CNIH4: variants seen among roughly 807,000 people sequenced by gnomAD.
CNIH4 encodes the protein protein cornichon homolog 4.
A neutral mutation model predicts 21.5 loss-of-function variants in CNIH4; 9 were observed. That is an observed-to-expected ratio of 0.42 (90% CI 0.25 to 0.73). The LOEUF is 0.73. Among genes scored for constraint, CNIH4 ranks in the 30% least tolerant of loss-of-function variants. CNIH4 has a pLI of 0.27. For missense variants in CNIH4, 159 were observed against 170.0 expected (o/e 0.94, Z 0.36); for synonymous variants, 67 against 59.1 (o/e 1.13, Z -0.61).
chr1:224,357,103 G>C lies in CNIH4; in HGVS notation c.69+110G>C. ...ACTAGGGAGGCGCCCGGCGGCGGGCGTGGGCTCCCTGGGAGCTGGCCTGGC... is the reference window on the plus strand; with the variant it reads ...ACTAGGGAGGCGCCCGGCGGCGGGCCTGGGCTCCCTGGGAGCTGGCCTGGC... On this transcript the variant is annotated intron_variant, in intron 1 of 4. Coordinates refer to ENST00000465271, the MANE Select transcript of CNIH4 (RefSeq NM_014184.4). 2.3e-6 allele frequency: 3 copies of C among 1,281,386 alleles called. No individual in the cohort carries two copies. The South Asian group carries it at 3.8e-5, about 16-fold the overall frequency. The allele number at this position is 1,281,386 out of a possible 1,614,324, so 79.4% of individuals were successfully genotyped here.
At chr1:224,371,524 C>T (rs994687055) in intron 4 of CNIH4, 101 bp downstream of exon 4, 10 of 1,156,904 alleles carry the variant, frequency 8.6e-6, no homozygotes, top group East Asian at 2.4e-5. Context: ...GTGGAACTTT[C>T]GGGGATTATG....
chr1:224,366,802 T>TAA (rs11449111), intron 3 of CNIH4, among the ~76,000 whole-genome samples: 36 of 146,990 alleles, frequency 2.4e-4, no homozygotes, highest in South Asian at 8.6e-4. Context: ...CTACTAAAAA[T>TAA]AAAAAAAAAA....
At chr1:224,369,623 A>G (rs1016462002) in intron 3 of CNIH4, among the ~76,000 whole-genome samples, 1 of 152,136 alleles carries the variant, frequency 6.6e-6, no homozygotes, top group Admixed American at 6.6e-5. Flanking sequence ...GATCGTTTGT[A>G]ACACAAAGGA....
intron 4 of CNIH4, among the ~76,000 whole-genome samples, chr1:224,372,342 GA>G (rs1053122177): frequency 6.6e-6 from 1 of 151,362 alleles, no homozygotes; most frequent in South Asian, 2.1e-4. Flanking sequence ...GAGCAAAGGA[GA>G]AAAAAAAATT....
At chr1:224,370,649 A>T (rs1268028234) in intron 3 of CNIH4, among the ~76,000 whole-genome samples, 5 of 152,158 alleles carry the variant, frequency 3.3e-5, no homozygotes, top group Admixed American at 2.0e-4. Context: ...ACCTTTGTCT[A>T]ATGGAAAAGG....
chr1:224,364,305 G>A, intron 2 of CNIH4: 2 of 985,414 alleles, frequency 2.0e-6, no homozygotes, highest in Non-Finnish European at 2.4e-6. Flanking sequence ...GCAGCCTACA[G>A]TAAGAAATCC....
chr1:224,373,681 G>A (rs111497860), intron 4 of CNIH4, among the ~76,000 whole-genome samples: 13,109 of 151,864 alleles, frequency 0.086, 1,787 homozygotes, highest in African/African-American at 0.29. Flanking sequence ...TACAAAAATT[G>A]GCCAGGTGTG....
In CNIH4 at chr1:224,378,911, G is replaced by A. The variant is rs1378576798; in HGVS notation, c.*3089G>A. ...TTGTAACTGGGAACATCTGAATGCT[G>A]AGGCTTAGTCCAGTGTTCTCTCTCC... On this transcript the variant is annotated 3_prime_UTR_variant, in exon 5 of 5. Transcript: ENST00000465271. 1.5e-6 allele frequency: 1 copy of A among 669,226 alleles called. No homozygotes were observed. The highest frequency in any genetic ancestry group is 2.8e-5 in the East Asian group (1 of 35,906). The allele number at this position is 669,226 out of a possible 1,614,324, so 41.5% of individuals were successfully genotyped here. A position where few individuals can be genotyped will look rare whatever the true frequency, so the allele number is the denominator to read the frequency against.
chr1:224,375,593 C>A (rs1037377746), intron 4 of CNIH4, among the ~76,000 whole-genome samples: 1 of 151,816 alleles, frequency 6.6e-6, no homozygotes, highest in Non-Finnish European at 1.5e-5. Context: ...TCCCCCAACT[C>A]CCCACCCCCA....
At position 224,356,966 on chromosome 1, in the gene CNIH4, C is replaced by G; in HGVS notation, c.42C>G (p.Cys14Trp). The change falls in exon 1 of 5, where the codon TGC (cysteine) becomes TGG (tryptophan). Residue 14 changes from cysteine (C) to tryptophan (W), a missense_variant. By Grantham distance (215) the Cys-to-Trp change is radical. Coordinates refer to ENST00000465271, the MANE Select transcript of CNIH4 (RefSeq NM_014184.4). Reference protein sequence around the residue: ...VVFVFSLLDCCALIFLSVYFI... With the variant: ...VVFVFSLLDCWALIFLSVYFI... The stretch of plus-strand genomic sequence containing the variant: ...TCGTCTTCTCTCTCCTCGATTGTTG[C>G]GCGCTCATCTTCCTCTCGGTCTACT... The G allele has an allele frequency of 6.2e-7, 1 of 1,612,322 alleles. No homozygotes were observed. Among genetic ancestry groups the G allele is most frequent in the South Asian group, 1.1e-5 (1 of 90,608 alleles).
intron 1 of CNIH4, chr1:224,357,246 C>T: frequency 2.5e-6 from 1 of 405,682 alleles, no homozygotes; most frequent in Non-Finnish European, 4.4e-6. Flanking sequence ...TCACTCGGGT[C>T]CGAGTGGGCC....
At chr1:224,359,965 C>T (rs1672228469) in intron 1 of CNIH4, among the ~76,000 whole-genome samples, 1 of 152,148 alleles carries the variant, frequency 6.6e-6, no homozygotes, top group Admixed American at 6.5e-5. Context: ...AACCCCGTCT[C>T]TACTAAAAAT....
chr1:224,369,659 C>T (rs1177278470), intron 3 of CNIH4, among the ~76,000 whole-genome samples: 4 of 151,158 alleles, frequency 2.6e-5, no homozygotes, highest in Non-Finnish European at 5.9e-5. Context: ...ATGGATACCC[C>T]GTTTACCCTG....
chr1:224,357,149 C>T (rs1221138931), intron 1 of CNIH4, 156 bp downstream of exon 1: 6 of 788,590 alleles, frequency 7.6e-6, no homozygotes, highest in African/African-American at 6.9e-5. Context: ...GCGCGGGCCC[C>T]GGAGCGGGTA....
At chr1:224,357,800 G>A (rs1323752356) in intron 1 of CNIH4, among the ~76,000 whole-genome samples, 1 of 152,190 alleles carries the variant, frequency 6.6e-6, no homozygotes, top group East Asian at 1.9e-4. Context: ...GTTTTCCAGA[G>A]CAATAAATGG....
chr1:224,374,435 T>C (rs1467095097), intron 4 of CNIH4, among the ~76,000 whole-genome samples: 1 of 141,502 alleles, frequency 7.1e-6, no homozygotes. Context: ...TCTTTTGAGA[T>C]GGAGTCTCAC....
Position 224,375,922 on chromosome 1 carries a change from T to C in CNIH4, c.*100T>C. ...CCTTAGAACCGTGACCATAGCAGTATATATTTTCCTCTTGGAACAAAAAAC... is the reference window on the plus strand; with the variant it reads ...CCTTAGAACCGTGACCATAGCAGTACATATTTTCCTCTTGGAACAAAAAAC... On this transcript the variant is annotated 3_prime_UTR_variant, in exon 5 of 5. Coordinates refer to ENST00000465271, the MANE Select transcript of CNIH4 (RefSeq NM_014184.4). 3 of 1,451,132 alleles carry C rather than the reference T, an allele frequency of 2.1e-6. No homozygotes were observed. The highest frequency in any genetic ancestry group is 1.6e-5 in the South Asian group (1 of 63,350). The allele number at this position is 1,451,132 out of a possible 1,614,324, so 89.9% of individuals were successfully genotyped here.
intron 1 of CNIH4, among the ~76,000 whole-genome samples, chr1:224,357,971 C>G (rs555233297): frequency 3.3e-5 from 5 of 152,340 alleles, no homozygotes; most frequent in African/African-American, 1.2e-4. Context: ...TTTCAGCTTC[C>G]TTTCTTGGAA....
intron 2 of CNIH4, chr1:224,364,390 T>C (rs923748392): frequency 1.0e-6 from 1 of 984,820 alleles, no homozygotes. Context: ...TGACATTTTA[T>C]TGAGTGCCTA....
Sources: gnomAD v4.1 joint callset for allele counts (sites outside exome capture counted in the v4.1 genomes callset) on GRCh38, gnomAD v4.1.1 for gene constraint, MANE v1.5 for transcripts, NCBI Gene and HGNC (gene_info 2026-07-23, HGNC 2026-07-21) for gene names.